Variants in PDE1A observed in about 807,000 individuals in gnomAD.
PDE1A encodes the protein dual specificity calcium/calmodulin-dependent 3',5'-cyclic nucleotide phosphodiesterase 1A.
In PDE1A, 35 loss-of-function variants were observed where a neutral mutation model predicts 61.7. The observed-to-expected ratio is 0.57, with a 90% confidence interval of 0.43 to 0.75. The LOEUF is 0.75. Ranked by LOEUF, PDE1A falls within the 30% of genes least tolerant of loss-of-function variation. The probability of loss-of-function intolerance (pLI) is 0.00; values close to 1 mark genes in which losing one functional copy is unlikely to be tolerated. For synonymous variants in PDE1A, 232 were observed against 213.2 expected (o/e 1.09, Z -0.77); for missense variants, 597 against 630.6 (o/e 0.95, Z 0.57).
At chr2:182,711,611 A>G in the PDE1A span, among the ~76,000 whole-genome samples, 1 of 152,172 alleles carries the variant, frequency 6.6e-6, no homozygotes, top group Middle Eastern at 3.4e-3. Flanking sequence ...CCATTCTTCC[A>G]AAGAACCAAG....
rs151109683 is a variant in PDE1A, at chr2:182,320,472, A to T, written c.54-56058T>A. Among the ~76,000 whole-genome samples, 623 of 152,348 alleles carry T rather than the reference A, an allele frequency of 4.1e-3. 5 individuals carry two copies. Among genetic ancestry groups the T allele is most frequent in the Middle Eastern group, 0.02 (6 of 294 alleles). The stretch of plus-strand genomic sequence containing the variant: ...AAATAATATTTTCTAAATTTACAAA[A>T]TTTAAAAACTGTAGTATAAATCCAA... On this transcript the variant is annotated intron_variant, in intron 1 of 13. Transcript: ENST00000351439.
the PDE1A span, among the ~76,000 whole-genome samples, chr2:182,665,599 T>C: frequency 6.6e-6 from 1 of 152,166 alleles, no homozygotes; most frequent in South Asian, 2.1e-4. Flanking sequence ...GAAATAGGAA[T>C]GCTTTTACAC....
At chr2:182,661,311 C>T in the PDE1A span, among the ~76,000 whole-genome samples, 1 of 152,060 alleles carries the variant, frequency 6.6e-6, no homozygotes, top group Non-Finnish European at 1.5e-5. Context: ...GATTTTTATG[C>T]CTGACAGAAA....
Position 182,347,388 on chromosome 2 carries a change from A to G in PDE1A, c.53+79190T>C, listed in dbSNP as rs1189290585. ...TAATATTAAAATCTTCGGAGCTTTC[A>G]GTATAATAGCTCATTTGTGCTATGT... On this transcript the variant is annotated intron_variant, in intron 1 of 13. Coordinates refer to ENST00000351439, the Ensembl canonical transcript of PDE1A. Among the ~76,000 whole-genome samples the G allele has an allele frequency of 3.3e-5, 5 of 152,276 alleles. No homozygotes were observed. In the East Asian group the frequency reaches 9.6e-4, roughly 29 times the overall value.
the PDE1A span, among the ~76,000 whole-genome samples, chr2:182,544,544 TG>T: frequency 6.6e-6 from 1 of 152,188 alleles, no homozygotes; most frequent in African/African-American, 2.4e-5. Flanking sequence ...GCACCTGCTC[TG>T]GTGACAAGAA....
At chr2:182,462,854 T>C (rs1244303387) in intron 2 of PDE1A, among the ~76,000 whole-genome samples, 1 of 152,236 alleles carries the variant, frequency 6.6e-6, no homozygotes, top group African/African-American at 2.4e-5. Flanking sequence ...GGGATGATGT[T>C]ATTCACAATC....
intron 1 of PDE1A, among the ~76,000 whole-genome samples, chr2:182,380,570 T>G (rs895066025): frequency 1.3e-5 from 2 of 152,218 alleles, no homozygotes; most frequent in South Asian, 2.1e-4. Context: ...AATTTAAAAT[T>G]TATCTTCAAT....
At chr2:182,199,734 A>G (rs974977225) in intron 10 of PDE1A, among the ~76,000 whole-genome samples, 1 of 152,144 alleles carries the variant, frequency 6.6e-6, no homozygotes, top group Non-Finnish European at 1.5e-5. Context: ...AGCACAAAGC[A>G]AATTATTAAA....
chr2:182,484,154 T>C (rs1429848356), intron 2 of PDE1A, among the ~76,000 whole-genome samples: 3 of 152,074 alleles, frequency 2.0e-5, no homozygotes, highest in South Asian at 2.1e-4. Context: ...TCTTCCCTAG[T>C]GAACTCTATA....
At chr2:182,387,235 T>G (rs1013945967) in intron 1 of PDE1A, among the ~76,000 whole-genome samples, 4 of 151,734 alleles carry the variant, frequency 2.6e-5, no homozygotes, top group African/African-American at 9.7e-5. Flanking sequence ...TCGTTAAGAG[T>G]CATCACCACT....
At chr2:182,575,383 T>C in the PDE1A span, among the ~76,000 whole-genome samples, 9 of 152,112 alleles carry the variant, frequency 5.9e-5, no homozygotes, top group South Asian at 1.2e-3. Flanking sequence ...TCTTAGCCTG[T>C]TGACTTAAAG....
intron 2 of PDE1A, among the ~76,000 whole-genome samples, chr2:182,485,104 T>C (rs190638744): frequency 1.3e-5 from 2 of 152,174 alleles, no homozygotes; most frequent in African/African-American, 4.8e-5. Flanking sequence ...AGCAAAGATA[T>C]GGAATTAACC....
At chr2:182,507,079 T>C (rs1689460333) in intron 2 of PDE1A, among the ~76,000 whole-genome samples, 1 of 152,228 alleles carries the variant, frequency 6.6e-6, no homozygotes, top group South Asian at 2.1e-4. Context: ...TTAGACTATC[T>C]TTCTAAAAAG....
chr2:182,516,702 GAGGAAGGAAGGA>G (rs199731099), intron 2 of PDE1A, among the ~76,000 whole-genome samples: 43,057 of 116,704 alleles, frequency 0.37, 8,187 homozygotes, highest in East Asian at 0.65. Flanking sequence ...GGGAGGAAGG[GAGGAAGGAAGGA>G]AGGAAGGAAG....
chr2:182,383,865 T>G (rs62190198), intron 1 of PDE1A, among the ~76,000 whole-genome samples: 30,029 of 152,120 alleles, frequency 0.2, 3,802 homozygotes, highest in East Asian at 0.45. Context: ...GAGACAGAAG[T>G]GAGCACAGGA....
intron 2 of PDE1A, among the ~76,000 whole-genome samples, chr2:182,516,966 CT>C (rs1171042784): frequency 6.6e-6 from 1 of 152,060 alleles, no homozygotes; most frequent in African/African-American, 2.4e-5. Context: ...CCATCTGCTC[CT>C]TTAATTCTCC....
At chr2:182,532,737 C>G in the PDE1A span, among the ~76,000 whole-genome samples, 1 of 151,440 alleles carries the variant, frequency 6.6e-6, no homozygotes, top group African/African-American at 2.4e-5. Context: ...GCGGGCGGAT[C>G]GACACGAGGT....
At chr2:182,508,804 ATTTTTTAT>A (rs1689589626) in intron 2 of PDE1A, among the ~76,000 whole-genome samples, 2 of 103,674 alleles carry the variant, frequency 1.9e-5, no homozygotes, top group African/African-American at 8.1e-5. Context: ...ATTTTATTTT[ATTTTTTAT>A]TTTTTTTTTA....
chr2:182,660,562 T>C, the PDE1A span, among the ~76,000 whole-genome samples: 1 of 152,208 alleles, frequency 6.6e-6, no homozygotes, highest in Non-Finnish European at 1.5e-5. Flanking sequence ...ACCTTAGTTG[T>C]TCTGACCTAA....
Sources: gnomAD v4.1 joint callset for allele counts (sites outside exome capture counted in the v4.1 genomes callset) on GRCh38, gnomAD v4.1.1 for gene constraint, MANE v1.5 for transcripts, NCBI Gene and HGNC (gene_info 2026-07-23, HGNC 2026-07-21) for gene names.